The following RPA1 variants were observed in gnomAD, a reference collection of about 807,000 sequenced individuals.
RPA1 encodes replication protein A1.
In RPA1, 49 loss-of-function variants were observed where a neutral mutation model predicts 83.0. That is an observed-to-expected ratio of 0.59 (90% CI 0.47 to 0.75). RPA1 has a LOEUF of 0.75. RPA1 is among the 30% of genes least tolerant of loss of function. RPA1 has a pLI of 0.00. For missense variants in RPA1, 693 were observed against 776.1 expected, an observed-to-expected ratio of 0.89 and a Z score of 1.27; for synonymous variants, 279 against 281.8, an observed-to-expected ratio of 0.99 and a Z score of 0.10.
At chr17:1,853,934 T>G (rs1832018676) in intron 5 of RPA1, among the ~76,000 whole-genome samples, 1 of 152,184 alleles carries the variant, frequency 6.6e-6, no homozygotes, top group African/African-American at 2.4e-5. Flanking sequence ...GTAAACTGTG[T>G]GAAGGTAGAG....
intron 14 of RPA1, among the ~76,000 whole-genome samples, chr17:1,889,402 C>T (rs1914124087): frequency 6.6e-6 from 1 of 151,098 alleles, no homozygotes; most frequent in Non-Finnish European, 1.5e-5. Context: ...ATGGTATCAT[C>T]ACAGCTCATG....
chr17:1,830,797 TCA>T (rs1449089997), intron 1 of RPA1, among the ~76,000 whole-genome samples: 1 of 150,796 alleles, frequency 6.6e-6, no homozygotes, highest in African/African-American at 2.4e-5. Context: ...TGGGCGACAC[TCA>T]CTGTCGCCCA....
At position 1,899,520 on chromosome 17, in the gene RPA1, GT is replaced by G. The variant is rs1477801267; in HGVS notation, c.*2349del. On this transcript the variant is annotated 3_prime_UTR_variant, in exon 17 of 17. Transcript: ENST00000254719. Reference sequence around the variant, plus strand: ...TCTGATTTCTGTCCATATTTCCAGTGTTTTATGCTTTCCATTAAAACCTTGC... The same window carrying G: ...TCTGATTTCTGTCCATATTTCCAGTGTTTATGCTTTCCATTAAAACCTTGC... The G allele has an allele frequency of 1.3e-5, 2 of 152,270 alleles. No homozygotes were observed. Among genetic ancestry groups the G allele is most frequent in the African/African-American group, 4.8e-5 (2 of 41,540 alleles). 9.4% of individuals were successfully genotyped at this position (152,270 alleles called of 1,614,324 possible).
chr17:1,857,267 CTTTT>C (rs35514214), intron 5 of RPA1, among the ~76,000 whole-genome samples: 2 of 134,838 alleles, frequency 1.5e-5, no homozygotes, highest in Non-Finnish European at 3.2e-5. Flanking sequence ...TTTTCTTTTT[CTTTT>C]TTTTTTTTCA....
intron 16 of RPA1, among the ~76,000 whole-genome samples, chr17:1,895,748 T>G (rs9903892): frequency 0.21 from 31,596 of 151,482 alleles, 3,394 homozygotes; most frequent in East Asian, 0.27. Flanking sequence ...AGTGGGACGA[T>G]CTTGGCTCAC....
intron 6 of RPA1, among the ~76,000 whole-genome samples, chr17:1,874,032 T>TACACACACACACACAC (rs67199303): frequency 2.5e-5 from 2 of 79,274 alleles, no homozygotes; most frequent in African/African-American, 1.3e-4. Context: ...TATATATATA[T>TACACACACACACACAC]ACACACACAC....
At chr17:1,839,221 T>G (rs560096019) in intron 1 of RPA1, among the ~76,000 whole-genome samples, 376 of 152,328 alleles carry the variant, frequency 2.5e-3, no homozygotes, top group Non-Finnish European at 4.1e-3. Flanking sequence ...TGTCAATTGA[T>G]TTCTATGTTG....
chr17:1,830,257 T>TGGTGTGGGGGGGGGGGGGG, intron 1 of RPA1, 131 bp downstream of exon 1: 1 of 429,398 alleles, frequency 2.3e-6, no homozygotes, highest in Non-Finnish European at 3.5e-6. Flanking sequence ...CGGGGGGCGG[T>TGGTGTGGGGGGGGGGGGGG]GGGGACCCGC....
At chr17:1,849,289 CTTTT>C (rs61062085) in intron 4 of RPA1, among the ~76,000 whole-genome samples, 1 of 116,318 alleles carries the variant, frequency 8.6e-6, no homozygotes, top group East Asian at 2.3e-4. Context: ...GTTGGCTGTT[CTTTT>C]TTTTTTTTTT....
At chr17:1,868,111 T>C (rs1391221384) in intron 5 of RPA1, among the ~76,000 whole-genome samples, 1 of 151,880 alleles carries the variant, frequency 6.6e-6, no homozygotes, top group African/African-American at 2.4e-5. Flanking sequence ...AAAATAAACA[T>C]AGGGCTATGG....
At chr17:1,879,091 C>G (rs1222734855) in intron 9 of RPA1, 30 bp downstream of exon 9, 1 of 1,613,538 alleles carries the variant, frequency 6.2e-7, no homozygotes, top group Non-Finnish European at 8.5e-7. Flanking sequence ...AGAACTGACA[C>G]CGCCTGGGGG....
chr17:1,887,836 C>T (rs994118556), intron 13 of RPA1, among the ~76,000 whole-genome samples: 4 of 151,696 alleles, frequency 2.6e-5, no homozygotes, highest in African/African-American at 9.7e-5. Flanking sequence ...CTGCAGTGAT[C>T]AGAGATTACA....
chr17:1,872,060 C>T (rs1375826225), intron 5 of RPA1: 13 of 228,016 alleles, frequency 5.7e-5, no homozygotes, highest in African/African-American at 2.2e-4. Context: ...CGTGAACACA[C>T]GGTTCTGTTG....
At chr17:1,832,095 A>T (rs1385432884) in intron 1 of RPA1, among the ~76,000 whole-genome samples, 1 of 150,868 alleles carries the variant, frequency 6.6e-6, no homozygotes, top group Non-Finnish European at 1.5e-5. Context: ...CACCTGCGTA[A>T]TTTTTTGTAT....
intron 1 of RPA1, among the ~76,000 whole-genome samples, chr17:1,839,474 C>T (rs966261886): frequency 2.0e-5 from 3 of 151,660 alleles, no homozygotes; most frequent in South Asian, 2.1e-4. Flanking sequence ...TACAGGTGCC[C>T]GCCACCACAC....
rs146655901 is a variant in RPA1 at position 1,871,667 on chromosome 17, T to G, written c.362-767T>G. 2.1e-4 allele frequency among the ~76,000 whole-genome samples: 32 copies of G among 152,374 alleles called. No homozygotes were observed. The East Asian group carries it at 6.2e-3, about 29-fold the overall frequency. The stretch of plus-strand genomic sequence containing the variant: ...GAGGCATATTTTACAGTTTTAACAT[T>G]CTTCAGCTCCATCAACATTTGTGTA... On this transcript the variant is annotated intron_variant, in intron 5 of 16. Transcript: ENST00000254719.
rs1913607709 is a variant in RPA1, at chr17:1,877,285, C to T, written c.661C>T (p.Leu221Phe). ...GAGCAACTCCCGAGGGGAAGGGAAG[C>T]TTTTCTCCCTAGAACTGGTTGACGA... Reference protein sequence around the residue: ...TWSNSRGEGKLFSLELVDESG... With the variant: ...TWSNSRGEGKFFSLELVDESG... The change falls in exon 8 of 17, where the codon CTT (leucine) becomes TTT (phenylalanine). Residue 221 changes from leucine to phenylalanine, a missense_variant. Coordinates refer to ENST00000254719, the MANE Select transcript of RPA1 (RefSeq NM_002945.5). 1.2e-6 allele frequency: 2 copies of T among 1,614,022 alleles called. No individual in the cohort carries two copies. The highest frequency in any genetic ancestry group is 2.7e-5 in the African/African-American group (2 of 74,902).
chr17:1,837,428 T>C lies in RPA1; in HGVS notation c.34-5375T>C, dbSNP rs377222213. 4.6e-5 allele frequency among the ~76,000 whole-genome samples: 7 copies of C among 152,368 alleles called. No homozygotes were observed. The East Asian group carries it at 1.3e-3, about 29-fold the overall frequency. ...TTGGCTATTATAAATGAAGATGCTA[T>C]GACCATTTAAGTACAACTCTTTTTG... On this transcript the variant is annotated intron_variant, in intron 1 of 16. Coordinates refer to ENST00000254719, the MANE Select transcript of RPA1 (RefSeq NM_002945.5).
At chr17:1,891,993 A>G (rs1405391743) in intron 15 of RPA1, 53 bp downstream of exon 15, 13 of 1,268,606 alleles carry the variant, frequency 1.0e-5, no homozygotes, top group South Asian at 2.8e-5. Context: ...TTCTCATTCT[A>G]TAACACTGAC....
Sources: allele counts gnomAD v4.1 joint callset (sites outside exome capture counted in the v4.1 genomes callset), GRCh38; gene constraint gnomAD v4.1.1; transcripts MANE v1.5; gene names NCBI Gene and HGNC (gene_info 2026-07-23, HGNC 2026-07-21).